Variants in PEAK1 observed in about 807,000 individuals in gnomAD.
The protein encoded by PEAK1 is pseudopodium enriched atypical kinase 1.
In PEAK1, 54 loss-of-function variants were observed where a neutral mutation model predicts 124.7. The ratio of observed to expected loss-of-function variants is 0.43; its 90% CI spans 0.35 to 0.54. The LOEUF is 0.54. Among genes scored for constraint, PEAK1 ranks in the 20% least tolerant of loss-of-function variants. PEAK1 has a pLI of 0.01. For missense variants in PEAK1, 2,046 were observed against 2,134.5 expected (o/e 0.96, Z 0.82); for synonymous variants, 719 against 760.0 (o/e 0.95, Z 0.89).
intron 6 of PEAK1, among the ~76,000 whole-genome samples, chr15:77,209,319 G>C (rs138464061): frequency 6.6e-6 from 1 of 151,892 alleles, no homozygotes; most frequent in Non-Finnish European, 1.5e-5. Flanking sequence ...ATGAAGTCAA[G>C]ACACTGCATC....
At chr15:77,397,198 C>G (rs986494200) in intron 1 of PEAK1, among the ~76,000 whole-genome samples, 2 of 152,094 alleles carry the variant, frequency 1.3e-5, no homozygotes, top group African/African-American at 4.8e-5. Flanking sequence ...AAACAATATG[C>G]TCCTGAATGA....
chr15:77,389,244 T>C (rs930447692), intron 1 of PEAK1, among the ~76,000 whole-genome samples: 3 of 152,202 alleles, frequency 2.0e-5, no homozygotes, highest in African/African-American at 7.2e-5. Context: ...CATGAGCCAC[T>C]GCATCCATTC....
intron 2 of PEAK1, chr15:77,335,263 C>T (rs901402029): frequency 2.0e-6 from 2 of 985,310 alleles, no homozygotes; most frequent in African/African-American, 1.7e-5. Flanking sequence ...ATTCCAGGAC[C>T]ATAAGCAATG....
chr15:77,355,867 C>T, intron 2 of PEAK1: 2 of 985,318 alleles, frequency 2.0e-6, no homozygotes, highest in Non-Finnish European at 2.4e-6. Flanking sequence ...GGAAAAGTTA[C>T]AGCCCTGGAA....
chr15:77,181,135 A>G lies in PEAK1; in HGVS notation c.792T>C (p.Ile264=). Residue 264 remains isoleucine (I), a synonymous_variant, in exon 7 of 10, where the codon ATT becomes ATC. Transcript: ENST00000682557. Reference sequence around the variant, plus strand: ...CAAAGCGAGGTTGCCCTCTCATGCGAATCTCCATGGCCAACAGCTCTTCAT... The same window carrying G: ...CAAAGCGAGGTTGCCCTCTCATGCGGATCTCCATGGCCAACAGCTCTTCAT... ...ESDEELLAME[I]RMRGQPRFAN... is the part of the protein sequence containing the mutation. 1 of 1,614,194 alleles carries G rather than the reference A, an allele frequency of 6.2e-7. No individual in the cohort carries two copies. Among genetic ancestry groups the G allele is most frequent in the East Asian group, 2.2e-5 (1 of 44,880 alleles).
At chr15:77,154,600 G>A (rs1205685288) in intron 8 of PEAK1, among the ~76,000 whole-genome samples, 2 of 152,142 alleles carry the variant, frequency 1.3e-5, no homozygotes, top group Admixed American at 6.5e-5. Context: ...TTACATTTTG[G>A]CATGTTTTTG....
chr15:77,382,956 AT>A (rs2141835790), intron 1 of PEAK1, among the ~76,000 whole-genome samples: 1 of 152,008 alleles, frequency 6.6e-6, no homozygotes, highest in Non-Finnish European at 1.5e-5. Flanking sequence ...TACTTTGAAA[AT>A]GTATTAATAC....
chr15:77,388,966 T>TA (rs200201242), intron 1 of PEAK1, among the ~76,000 whole-genome samples: 15 of 150,512 alleles, frequency 1.0e-4, no homozygotes, highest in Admixed American at 4.6e-4. Context: ...GCTTATTTTT[T>TA]TTTTTTTTTT....
chr15:77,285,380 A>C (rs1385609195), intron 3 of PEAK1, among the ~76,000 whole-genome samples: 1 of 152,172 alleles, frequency 6.6e-6, no homozygotes, highest in East Asian at 1.9e-4. Context: ...TTTTTACTTC[A>C]TCAGAAAGTA....
intron 2 of PEAK1, among the ~76,000 whole-genome samples, chr15:77,294,507 G>A (rs1444792183): frequency 2.0e-5 from 3 of 152,094 alleles, no homozygotes; most frequent in African/African-American, 7.2e-5. Flanking sequence ...CAATCTTCCT[G>A]AACCTTGGTT....
intron 9 of PEAK1, among the ~76,000 whole-genome samples, chr15:77,128,647 G>A (rs2052586952): frequency 6.6e-6 from 1 of 152,164 alleles, no homozygotes; most frequent in South Asian, 2.1e-4. Flanking sequence ...GAATTGCTCA[G>A]GATTTATCAC....
intron 7 of PEAK1, among the ~76,000 whole-genome samples, chr15:77,164,040 T>C (rs2152796660): frequency 6.6e-6 from 1 of 152,324 alleles, no homozygotes; most frequent in Non-Finnish European, 1.5e-5. Context: ...CTCACACCTT[T>C]GTAATCTACT....
chr15:77,380,426 C>A (rs183301891), intron 1 of PEAK1, among the ~76,000 whole-genome samples: 9 of 152,198 alleles, frequency 5.9e-5, no homozygotes, highest in Admixed American at 3.9e-4. Context: ...CCTTTTTATT[C>A]CTCTTTCTGC....
chr15:77,136,523 A>T (rs1456656429), intron 8 of PEAK1, among the ~76,000 whole-genome samples: 2 of 151,920 alleles, frequency 1.3e-5, no homozygotes, highest in African/African-American at 4.8e-5. Context: ...AAAATTAGCC[A>T]GGTGTGGTGG....
At chr15:77,337,331 TGA>T in intron 2 of PEAK1, 2 of 973,060 alleles carry the variant, frequency 2.1e-6, no homozygotes, top group Non-Finnish European at 2.4e-6. Flanking sequence ...TTCATTTATT[TGA>T]GAGGAGAAAC....
At position 77,368,117 on chromosome 15, in the gene PEAK1, A is replaced by C. The variant is rs1358579979; in HGVS notation, c.-665-2892T>G. ...GTGTTTAATATGTAATATATAACAT[A>C]TATTTAGAATGTATTATAATGTGTG... On this transcript the variant is annotated intron_variant, in intron 1 of 9. Coordinates refer to ENST00000682557, the MANE Select transcript of PEAK1 (RefSeq NM_001385026.1). 3.9e-5 allele frequency among the ~76,000 whole-genome samples: 6 copies of C among 152,362 alleles called. No individual in the cohort carries two copies. In the East Asian group the frequency reaches 9.6e-4, roughly 24 times the overall value.
chr15:77,309,433 G>GA (rs541033620), intron 2 of PEAK1, among the ~76,000 whole-genome samples: 79 of 145,078 alleles, frequency 5.4e-4, no homozygotes, highest in African/African-American at 1.6e-3. Context: ...TCCAGCAAGG[G>GA]AAAAAAAAAA....
intron 3 of PEAK1, 121 bp downstream of exon 3, chr15:77,286,302 T>A (rs1345359183): frequency 4.4e-6 from 2 of 455,382 alleles, no homozygotes; most frequent in Non-Finnish European, 7.1e-6. Flanking sequence ...CTTTATCTCC[T>A]CCATACTACT....
chr15:77,293,634 G>T (rs1214286684), intron 2 of PEAK1, among the ~76,000 whole-genome samples: 1 of 152,100 alleles, frequency 6.6e-6, no homozygotes, highest in Non-Finnish European at 1.5e-5. Context: ...TTTTATTATA[G>T]AATTACTTAA....
Sources: allele counts gnomAD v4.1 joint callset (sites outside exome capture counted in the v4.1 genomes callset), GRCh38; gene constraint gnomAD v4.1.1; transcripts MANE v1.5; gene names NCBI Gene and HGNC (gene_info 2026-07-23, HGNC 2026-07-21).